Variants in MAML3 observed in about 807,000 individuals in gnomAD.
MAML3 encodes mastermind like transcriptional coactivator 3.
Under a neutral mutation model 101.9 loss-of-function variants are expected in MAML3, and 27 were observed. That is an observed-to-expected ratio of 0.27 (90% CI 0.20 to 0.37). The LOEUF (loss-of-function observed/expected upper bound fraction) is 0.37, where lower values mean the gene tolerates loss of function less well. Among genes scored for constraint, MAML3 ranks in the 10% least tolerant of loss-of-function variants. The pLI, the probability that MAML3 is intolerant of heterozygous loss-of-function variation, is 1.00. For synonymous variants in MAML3, 501 were observed against 555.9 expected (o/e 0.90, Z 1.39); for missense variants, 1,316 against 1,444.9 (o/e 0.91, Z 1.45).
At chr4:139,943,612 A>C (rs761943299) in intron 1 of MAML3, among the ~76,000 whole-genome samples, 78 of 152,178 alleles carry the variant, frequency 5.1e-4, no homozygotes, top group Non-Finnish European at 6.9e-4. Flanking sequence ...TGTTTGGCTA[A>C]AATGCAAATA....
chr4:140,142,717 C>G (rs772321294), intron 1 of MAML3, among the ~76,000 whole-genome samples: 1 of 152,212 alleles, frequency 6.6e-6, no homozygotes, highest in African/African-American at 2.4e-5. Flanking sequence ...AGAAAGCAAT[C>G]CTGTCACCCC....
At chr4:140,015,533 T>G (rs897831834) in intron 1 of MAML3, among the ~76,000 whole-genome samples, 3 of 152,232 alleles carry the variant, frequency 2.0e-5, no homozygotes, top group African/African-American at 7.2e-5. Flanking sequence ...AAATAGTTAT[T>G]GTTGAAAGAC....
chr4:140,005,672 G>A (rs1239541687), intron 1 of MAML3, among the ~76,000 whole-genome samples: 1 of 152,190 alleles, frequency 6.6e-6, no homozygotes. Flanking sequence ...AGATTAGAAA[G>A]AGAAAACTGA....
chr4:139,734,072 A>G (rs897082391), intron 2 of MAML3, among the ~76,000 whole-genome samples: 6 of 152,212 alleles, frequency 3.9e-5, no homozygotes, highest in Non-Finnish European at 7.3e-5. Context: ...TCAACAGTGG[A>G]TGAGAGACAC....
intron 4 of MAML3, among the ~76,000 whole-genome samples, chr4:139,721,914 C>T (rs1339087082): frequency 6.6e-6 from 1 of 151,908 alleles, no homozygotes; most frequent in African/African-American, 2.4e-5. Flanking sequence ...GGCTGCATGG[C>T]CAATAAGATC....
chr4:139,969,679 G>A (rs984986995), intron 1 of MAML3, among the ~76,000 whole-genome samples: 1 of 151,896 alleles, frequency 6.6e-6, no homozygotes, highest in African/African-American at 2.4e-5. Flanking sequence ...ACTTAACCTC[G>A]CTCATAGGAA....
intron 2 of MAML3, among the ~76,000 whole-genome samples, chr4:139,881,345 C>T (rs1732214668): frequency 6.6e-6 from 1 of 152,118 alleles, no homozygotes; most frequent in Non-Finnish European, 1.5e-5. Context: ...GTAAGACACG[C>T]CCCTCAGCAT....
intron 4 of MAML3, among the ~76,000 whole-genome samples, chr4:139,725,227 G>A (rs1004570079): frequency 3.9e-5 from 6 of 152,136 alleles, no homozygotes; most frequent in African/African-American, 9.7e-5. Context: ...GGCCCTATTT[G>A]TCTTCTACAT....
In MAML3 at chr4:140,152,903, G is replaced by A. The variant is rs1336739257; in HGVS notation, c.425C>T (p.Ala142Val). The change falls in exon 1 of 5, where the codon GCG becomes GTG. Residue 142 changes from alanine to valine, a missense_variant. Ala to Val is a moderately conservative substitution (Grantham distance 64, BLOSUM62 0). Coordinates refer to ENST00000509479, the MANE Select transcript of MAML3 (RefSeq NM_018717.5). ...QQHPSKPQQD[A>V]EAASAEQRNH... The stretch of plus-strand genomic sequence containing the variant: ...CCTCTGCTCCGCCGAGGCAGCCTCC[G>A]CATCTTGCTGGGGTTTGCTCGGGTG... 1 of 1,612,148 alleles carries A rather than the reference G, an allele frequency of 6.2e-7. No homozygotes were observed. Among genetic ancestry groups the A allele is most frequent in the East Asian group, 2.2e-5 (1 of 44,780 alleles).
At chr4:139,983,274 C>G (rs1734479313) in intron 1 of MAML3, among the ~76,000 whole-genome samples, 1 of 152,170 alleles carries the variant, frequency 6.6e-6, no homozygotes. Context: ...CCTTTCCTCC[C>G]AAATCCCTGG....
At chr4:139,877,461 C>G (rs1378316616) in intron 2 of MAML3, among the ~76,000 whole-genome samples, 1 of 151,994 alleles carries the variant, frequency 6.6e-6, no homozygotes, top group African/African-American at 2.4e-5. Flanking sequence ...AAAAGACTAT[C>G]TTTAGAAAGG....
At chr4:139,773,749 T>G (rs1288337932) in intron 2 of MAML3, among the ~76,000 whole-genome samples, 1 of 152,218 alleles carries the variant, frequency 6.6e-6, no homozygotes, top group Non-Finnish European at 1.5e-5. Context: ...AACCTTTCCA[T>G]GTATCATATT....
rs1478292648 is a variant in MAML3, at chr4:139,717,475, G to A, written c.*1848C>T. ...AGGGTCACCCTGCTGCCACCTCTTC[G>A]GAGAGGGCGCCCAGCCCCTGCCTGG... On this transcript the variant is annotated 3_prime_UTR_variant, in exon 5 of 5. Coordinates refer to ENST00000509479, the MANE Select transcript of MAML3 (RefSeq NM_018717.5). 7 of 152,222 alleles carry A rather than the reference G, an allele frequency of 4.6e-5. No individual in the cohort carries two copies. The highest frequency in any genetic ancestry group is 7.2e-5 in the African/African-American group (3 of 41,388). 9.4% of individuals were successfully genotyped at this position (152,222 alleles called of 1,614,324 possible). A position where few individuals can be genotyped will look rare whatever the true frequency, so the allele number is the denominator to read the frequency against.
chr4:140,109,133 T>A (rs1728400125), intron 1 of MAML3, among the ~76,000 whole-genome samples: 1 of 152,072 alleles, frequency 6.6e-6, no homozygotes, highest in African/African-American at 2.4e-5. Context: ...CATTTATCAA[T>A]GTTTAAAAGA....
chr4:139,788,526 T>G (rs1305047062), intron 2 of MAML3, among the ~76,000 whole-genome samples: 1 of 152,190 alleles, frequency 6.6e-6, no homozygotes, highest in Non-Finnish European at 1.5e-5. Context: ...AATGAAATCC[T>G]CCCATTTTTA....
At position 140,153,487 on chromosome 4, in the gene MAML3, G is replaced by C; in HGVS notation, c.-160C>G. 1.2e-6 allele frequency: 1 copy of C among 806,344 alleles called. No homozygotes were observed. The highest frequency in any genetic ancestry group is 2.3e-5 in the South Asian group (1 of 43,346). 49.9% of individuals were successfully genotyped at this position (806,344 alleles called of 1,614,324 possible). ...TCCCGACGGGGCGAAAAAAACGGGG[G>C]GGGAGATTTTGGGGTGGTTTTTGTT... is the stretch of plus-strand genomic sequence containing the variant. On this transcript the variant is annotated 5_prime_UTR_variant, in exon 1 of 5. Transcript: ENST00000509479.
At chr4:139,969,776 C>G (rs938321327) in intron 1 of MAML3, among the ~76,000 whole-genome samples, 6 of 152,176 alleles carry the variant, frequency 3.9e-5, no homozygotes. Context: ...CCTCCCCTAT[C>G]TATCTCCTCA....
chr4:139,917,426 T>C (rs1320729062), intron 1 of MAML3, among the ~76,000 whole-genome samples: 2 of 152,076 alleles, frequency 1.3e-5, no homozygotes, highest in Admixed American at 1.3e-4. Flanking sequence ...AAGAGGGTAG[T>C]ACCAGGGGAA....
At chr4:139,772,612 G>T (rs546617996) in intron 2 of MAML3, among the ~76,000 whole-genome samples, 7 of 151,752 alleles carry the variant, frequency 4.6e-5, no homozygotes, top group African/African-American at 1.7e-4. Context: ...CCAAGTGCAG[G>T]GATTACAGGT....
Sources: gnomAD v4.1 joint callset for allele counts (sites outside exome capture counted in the v4.1 genomes callset) on GRCh38, gnomAD v4.1.1 for gene constraint, MANE v1.5 for transcripts, NCBI Gene and HGNC (gene_info 2026-07-23, HGNC 2026-07-21) for gene names.